Variants in NBPF20 observed in about 807,000 individuals in gnomAD.
NBPF20 encodes the protein NBPF member 20.
A neutral mutation model predicts 68.1 loss-of-function variants in NBPF20; 90 were observed. The ratio of observed to expected loss-of-function variants is 1.32; its 90% CI spans 1.11 to 1.58. The LOEUF is 1.58. Ranked by LOEUF, NBPF20 falls within the 40% of genes most tolerant of loss-of-function variation. The probability of loss-of-function intolerance (pLI) is 0.00; values close to 1 mark genes in which losing one functional copy is unlikely to be tolerated. For synonymous variants in NBPF20, 290 were observed against 228.1 expected (o/e 1.27, Z -2.45); for missense variants, 816 against 601.2 (o/e 1.36, Z -3.74).
intron 8 of NBPF20, 63 bp downstream of exon 13, chr1:145,394,915 A>C (rs1194802166): frequency 4.6e-5 from 74 of 1,593,380 alleles, no homozygotes; most frequent in Non-Finnish European, 5.7e-5. Flanking sequence ...CAAGGCCCAA[A>C]GATTATGGGG....
At chr1:145,411,393 T>TG in the NBPF20 span, among the ~76,000 whole-genome samples, 1 of 136,782 alleles carries the variant, frequency 7.3e-6, no homozygotes. Flanking sequence ...TTTCCTTTTT[T>TG]TTTTTTTTTT....
chr1:145,400,146 C>A (rs1391990583), intron 6 of NBPF20, among the ~76,000 whole-genome samples: 3 of 152,156 alleles, frequency 2.0e-5, no homozygotes, highest in African/African-American at 4.8e-5. Flanking sequence ...ACTGCCTGTG[C>A]ACCTCCTGCA....
upstream of NBPF20, among the ~76,000 whole-genome samples, chr1:145,410,272 C>T (rs1195006801): frequency 6.6e-6 from 1 of 151,614 alleles, no homozygotes; most frequent in African/African-American, 2.4e-5. Context: ...GATGACTAAA[C>T]AGTGGAGCAT....
intron 8 of NBPF20, 77 bp downstream of exon 13, chr1:145,394,901 G>A (rs1662148414): frequency 6.8e-7 from 1 of 1,471,898 alleles, no homozygotes; most frequent in South Asian, 1.1e-5. Context: ...CCCAACAAGG[G>A]GCACAAGGCC....
At chr1:145,397,459 C>A (rs1421214463) in intron 7 of NBPF20, among the ~76,000 whole-genome samples, 10 of 152,314 alleles carry the variant, frequency 6.6e-5, no homozygotes, top group African/African-American at 2.2e-4. Context: ...GAATTTTCAA[C>A]CCAGAATTTC....
intron 13 of NBPF20, 150 bp from the exon 19 acceptor site, chr1:145,390,266 G>C (rs1489777278): frequency 3.2e-5 from 6 of 188,452 alleles, no homozygotes; most frequent in Non-Finnish European, 5.1e-5. Flanking sequence ...CTTCATGTTG[G>C]GACAGAACAG....
At chr1:145,401,579 C>A (rs1266519205) in intron 4 of NBPF20, among the ~76,000 whole-genome samples, 29 of 127,580 alleles carry the variant, frequency 2.3e-4, no homozygotes, top group African/African-American at 4.1e-4. Context: ...CTGCTGTGTT[C>A]TTCAGGGACA....
At chr1:145,394,566 C>A (rs1177119861) in intron 8 of NBPF20, among the ~76,000 whole-genome samples, 20 of 151,990 alleles carry the variant, frequency 1.3e-4, no homozygotes, top group Non-Finnish European at 2.6e-4. Context: ...TGACACTGGC[C>A]TTGGGCGGGT....
At chr1:145,290,017 G>C (rs1390369751) in exon 138 of NBPF20, 3 of 147,412 alleles carry the variant, frequency 2.0e-5, no homozygotes, top group Non-Finnish European at 3.0e-5. Context: ...ATAGGCAAAA[G>C]GTTTTAATTG....
At chr1:145,393,437 A>C (rs1188779079) in intron 9 of NBPF20, among the ~76,000 whole-genome samples, 191 bp from the exon 15 acceptor site, 2 of 138,392 alleles carry the variant, frequency 1.4e-5, no homozygotes, top group South Asian at 4.7e-4. Context: ...AGAGAGAGAC[A>C]CACACTCACA....
chr1:145,394,144 G>T (rs1553663134), intron 8 of NBPF20, among the ~76,000 whole-genome samples: 54 of 152,178 alleles, frequency 3.5e-4, no homozygotes, highest in South Asian at 3.3e-3. Flanking sequence ...ATTCCCCTGT[G>T]TTGGAATGTT....
At chr1:145,295,219 C>T in intron 133 of NBPF20, 2 of 597,840 alleles carry the variant, frequency 3.3e-6, no homozygotes, top group Non-Finnish European at 5.7e-6. Flanking sequence ...CCGGGTGACA[C>T]ACTGATGAAG....
At chr1:145,291,738 G>T (rs782265809) in exon 138 of NBPF20, 31 of 1,611,772 alleles carry the variant, frequency 1.9e-5, no homozygotes, top group Admixed American at 3.3e-5. Context: ...AAGACTTCAG[G>T]CTCTTCCACT....
Position 145,400,939 on chromosome 1 carries a change from A to C in NBPF20, c.566+120T>G, listed in dbSNP as rs1662494340. 17 of 1,231,406 alleles carry C rather than the reference A, an allele frequency of 1.4e-5. No homozygotes were observed. In the South Asian group the frequency reaches 1.9e-4, roughly 14 times the overall value. 76.3% of individuals were successfully genotyped at this position (1,231,406 alleles called of 1,614,324 possible). On this transcript the variant is annotated intron_variant, in intron 5 of 137. Transcript: ENST00000369373. ...CTGTGTCTAAGCTGGGTTATATTTC[A>C]CATACTGTGGCCAAGCAAATGTGGG...
chr1:145,425,248 C>T, the NBPF20 span, among the ~76,000 whole-genome samples: 1 of 151,240 alleles, frequency 6.6e-6, no homozygotes, highest in Non-Finnish European at 1.5e-5. Context: ...CCCCGCCTCG[C>T]CCTCCGTCGC....
chr1:145,421,697 C>A, the NBPF20 span, among the ~76,000 whole-genome samples: 7 of 152,032 alleles, frequency 4.6e-5, no homozygotes, highest in Non-Finnish European at 1.0e-4. Flanking sequence ...TAAATAATAG[C>A]TGTAAGAGAT....
At chr1:145,311,871 C>G (rs1407934392) in intron 112 of NBPF20, among the ~76,000 whole-genome samples, 4 of 112,354 alleles carry the variant, frequency 3.6e-5, no homozygotes, top group Admixed American at 8.4e-5. Context: ...ATTTTAGATG[C>G]TGAAATTAGA....
intron 43 of NBPF20, among the ~76,000 whole-genome samples, chr1:145,366,569 C>A (rs1661698303): frequency 1.0e-5 from 1 of 97,962 alleles, no homozygotes; most frequent in Non-Finnish European, 2.1e-5. Flanking sequence ...CACACACACA[C>A]ACACACACAC....
At chr1:145,409,437 A>T (rs1662922654), upstream of NBPF20, among the ~76,000 whole-genome samples, 1 of 151,472 alleles carries the variant, frequency 6.6e-6, no homozygotes, top group African/African-American at 2.4e-5. Context: ...AGAGGAAAAA[A>T]AAAAAAGAAG....
Sources: allele counts gnomAD v4.1 joint callset (sites outside exome capture counted in the v4.1 genomes callset), GRCh38; gene constraint gnomAD v4.1.1; transcripts MANE v1.5; gene names NCBI Gene and HGNC (gene_info 2026-07-23, HGNC 2026-07-21).